The following AGBL1 variants were observed in gnomAD, a reference collection of about 807,000 sequenced individuals.
AGBL1 encodes the protein AGBL carboxypeptidase 1.
In AGBL1, 130 loss-of-function variants were observed where a neutral mutation model predicts 118.9. That is an observed-to-expected ratio of 1.09 (90% CI 0.95 to 1.26). AGBL1 has a LOEUF of 1.26. Among genes scored for constraint, AGBL1 ranks in the 50% most tolerant of loss-of-function variants. AGBL1 has a pLI of 0.00. For synonymous variants in AGBL1, 555 were observed against 478.9 expected, an observed-to-expected ratio of 1.16 and a Z score of -2.08; for missense variants, 1,584 against 1,298.1, an observed-to-expected ratio of 1.22 and a Z score of -3.38.
At chr15:86,670,769 T>G (rs1395750643) in intron 21 of AGBL1, among the ~76,000 whole-genome samples, 1 of 151,892 alleles carries the variant, frequency 6.6e-6, no homozygotes, top group East Asian at 1.9e-4. Flanking sequence ...ATGGAACATT[T>G]TCCCACATTT....
intron 21 of AGBL1, among the ~76,000 whole-genome samples, chr15:86,603,340 T>C (rs946807099): frequency 6.6e-6 from 1 of 152,186 alleles, no homozygotes; most frequent in African/African-American, 2.4e-5. Context: ...GTTAATTATG[T>C]GGTTGTTTAG....
At chr15:86,777,093 T>G (rs976577358) in intron 22 of AGBL1, among the ~76,000 whole-genome samples, 1 of 152,062 alleles carries the variant, frequency 6.6e-6, no homozygotes, top group Non-Finnish European at 1.5e-5. Flanking sequence ...AACGTTCTAA[T>G]TTTGTCTTTT....
intron 24 of AGBL1, among the ~76,000 whole-genome samples, chr15:86,997,105 G>C (rs1410382509): frequency 6.6e-6 from 1 of 152,024 alleles, no homozygotes; most frequent in East Asian, 1.9e-4. Flanking sequence ...GTCCAAGTAT[G>C]CATCTATGAA....
chr15:86,433,942 C>G (rs2081970684), intron 18 of AGBL1, among the ~76,000 whole-genome samples: 1 of 152,174 alleles, frequency 6.6e-6, no homozygotes, highest in Admixed American at 6.5e-5. Context: ...TATTGGGACC[C>G]AGTTTATAAA....
In AGBL1 at chr15:86,397,042, T is replaced by C. The variant is rs887019627; in HGVS notation, c.2375-324T>C. Among the ~76,000 whole-genome samples, 4 of 152,186 alleles carry C rather than the reference T, an allele frequency of 2.6e-5. No individual in the cohort carries two copies. In the East Asian group the frequency reaches 5.8e-4, roughly 22 times the overall value. On this transcript the variant is annotated intron_variant, in intron 17 of 22. Transcript: ENST00000614907. ...GAGTCTTGCAGACCACAGAGGAAGATAGAAAATGGGTAAATGTAGATCAGA... is the reference window on the plus strand; with the variant it reads ...GAGTCTTGCAGACCACAGAGGAAGACAGAAAATGGGTAAATGTAGATCAGA...
intron 22 of AGBL1, among the ~76,000 whole-genome samples, chr15:86,734,473 A>G (rs1377059487): frequency 6.6e-6 from 1 of 152,110 alleles, no homozygotes; most frequent in African/African-American, 2.4e-5. Flanking sequence ...ATGAATAAAG[A>G]GATTTAAGAG....
At chr15:86,596,427 T>A (rs1470918660) in intron 21 of AGBL1, among the ~76,000 whole-genome samples, 1 of 152,182 alleles carries the variant, frequency 6.6e-6, no homozygotes, top group Admixed American at 6.5e-5. Flanking sequence ...TTTGTGTGCC[T>A]TTTCTCCTAT....
chr15:86,594,803 CAT>C (rs2084383979), intron 21 of AGBL1, among the ~76,000 whole-genome samples: 1 of 152,202 alleles, frequency 6.6e-6, no homozygotes, highest in South Asian at 2.1e-4. Flanking sequence ...TTTATACACA[CAT>C]GACTATTTAT....
chr15:86,511,602 A>T (rs561099388), intron 18 of AGBL1, among the ~76,000 whole-genome samples: 1 of 152,196 alleles, frequency 6.6e-6, no homozygotes, highest in South Asian at 2.1e-4. Flanking sequence ...TCTCATGTGC[A>T]AAATGGAAAT....
At chr15:86,370,260 C>A (rs934912754) in intron 17 of AGBL1, among the ~76,000 whole-genome samples, 2 of 150,748 alleles carry the variant, frequency 1.3e-5, no homozygotes, top group African/African-American at 4.9e-5. Flanking sequence ...GGATTTACAT[C>A]TGCAGCTACC....
chr15:86,322,599 T>C (rs1717912207), intron 17 of AGBL1, among the ~76,000 whole-genome samples: 1 of 152,178 alleles, frequency 6.6e-6, no homozygotes, highest in South Asian at 2.1e-4. Context: ...ACTAGTATGC[T>C]TTATGAATAT....
In AGBL1 at chr15:86,554,451, C is replaced by G. The variant is rs1402236506; in HGVS notation, c.2908C>G (p.Arg970Gly). 6.3e-7 allele frequency: 1 copy of G among 1,588,284 alleles called. No individual in the cohort carries two copies. The highest frequency in any genetic ancestry group is 1.2e-5 in the South Asian group (1 of 86,778). ...GGAGAAATCTCGAGCTTCCACGGCCCGGGTGGTGGTGTGGAGAGAGATGGG... is the reference window on the plus strand; with the variant it reads ...GGAGAAATCTCGAGCTTCCACGGCCGGGGTGGTGGTGTGGAGAGAGATGGG... ...LVEKSRASTA[R>G]VVVWREMGVS... is the part of the protein sequence containing the mutation. The change falls in exon 21 of 23, where the codon CGG (arginine) becomes GGG (glycine). Residue 970 changes from arginine to glycine, a missense_variant. Coordinates refer to ENST00000614907, the MANE Select transcript of AGBL1 (RefSeq NM_001386094.1).
intron 18 of AGBL1, among the ~76,000 whole-genome samples, chr15:86,475,711 G>A (rs892299772): frequency 6.6e-6 from 1 of 152,094 alleles, no homozygotes; most frequent in African/African-American, 2.4e-5. Flanking sequence ...TCAAATTCAG[G>A]AAATACAGAG....
At chr15:86,705,489 T>A (rs1334618138) in intron 22 of AGBL1, among the ~76,000 whole-genome samples, 1 of 152,182 alleles carries the variant, frequency 6.6e-6, no homozygotes, top group Non-Finnish European at 1.5e-5. Context: ...ACGTAAAGTG[T>A]TCTTGCATGG....
At chr15:86,758,399 A>G (rs1354081132) in intron 22 of AGBL1, among the ~76,000 whole-genome samples, 2 of 152,052 alleles carry the variant, frequency 1.3e-5, no homozygotes, top group Non-Finnish European at 2.9e-5. Context: ...TTGGGCTATT[A>G]TATGTGTTCC....
chr15:86,522,615 G>C (rs879619779), intron 18 of AGBL1, among the ~76,000 whole-genome samples, 195 bp from the exon 19 acceptor site: 1 of 152,226 alleles, frequency 6.6e-6, no homozygotes, highest in Non-Finnish European at 1.5e-5. Context: ...TTTGGGGGTT[G>C]TGAATAATTA....
At chr15:86,245,467 C>T (rs1222783124) in intron 6 of AGBL1, among the ~76,000 whole-genome samples, 1 of 152,190 alleles carries the variant, frequency 6.6e-6, no homozygotes, top group Admixed American at 6.5e-5. Context: ...GGTTAGAGCC[C>T]TGCAATGTAC....
intron 5 of AGBL1, among the ~76,000 whole-genome samples, chr15:86,179,173 G>A (rs988983160): frequency 3.3e-5 from 5 of 152,210 alleles, no homozygotes; most frequent in African/African-American, 1.2e-4. Context: ...TCCTGGAATT[G>A]TTTAAGTAAA....
chr15:86,453,893 G>A (rs1596134467), intron 18 of AGBL1, among the ~76,000 whole-genome samples: 1 of 152,196 alleles, frequency 6.6e-6, no homozygotes, highest in East Asian at 1.9e-4. Flanking sequence ...TTTGTGAATA[G>A]GCAATTAAAA....
Sources: allele counts gnomAD v4.1 joint callset (sites outside exome capture counted in the v4.1 genomes callset), GRCh38; gene constraint gnomAD v4.1.1; transcripts MANE v1.5; gene names NCBI Gene and HGNC (gene_info 2026-07-23, HGNC 2026-07-21).